The following FHIT variants were observed in gnomAD, a reference collection of about 807,000 sequenced individuals.
FHIT encodes fragile histidine triad diadenosine triphosphatase.
In FHIT, 19 loss-of-function variants were observed where a neutral mutation model predicts 17.9. The ratio of observed to expected loss-of-function variants is 1.06; its 90% confidence interval spans 0.74 to 1.56. FHIT has a LOEUF of 1.56. Ranked by LOEUF, FHIT falls within the 40% of genes most tolerant of loss-of-function variation. The pLI is 0.00. For missense variants in FHIT, 248 were observed against 189.2 expected, an observed-to-expected ratio of 1.31 and a Z score of -1.82; for synonymous variants, 81 against 69.7, an observed-to-expected ratio of 1.16 and a Z score of -0.81.
intron 2 of FHIT, among the ~76,000 whole-genome samples, chr3:61,164,944 T>C (rs1156236989): frequency 6.6e-6 from 1 of 152,216 alleles, no homozygotes; most frequent in Non-Finnish European, 1.5e-5. Flanking sequence ...TCCAGTTGCA[T>C]CCATGTTGCC....
At chr3:60,102,845 A>G (rs376523366) in intron 5 of FHIT, among the ~76,000 whole-genome samples, 4 of 152,326 alleles carry the variant, frequency 2.6e-5, no homozygotes, top group African/African-American at 9.6e-5. Flanking sequence ...ACACATCTAC[A>G]TATCAAACCA....
At chr3:60,025,141 A>G (rs1471449730) in intron 5 of FHIT, among the ~76,000 whole-genome samples, 1 of 152,184 alleles carries the variant, frequency 6.6e-6, no homozygotes, top group Non-Finnish European at 1.5e-5. Context: ...TGGGTGGGAC[A>G]GTGTCATGTA....
chr3:60,018,059 G>C (rs1199057306), intron 5 of FHIT, among the ~76,000 whole-genome samples: 1 of 152,200 alleles, frequency 6.6e-6, no homozygotes, highest in Admixed American at 6.5e-5. Flanking sequence ...GGTTTATCTG[G>C]CTCACAGTTC....
intron 3 of FHIT, among the ~76,000 whole-genome samples, chr3:60,977,103 G>T (rs532500762): frequency 6.6e-6 from 1 of 152,214 alleles, no homozygotes; most frequent in Admixed American, 6.5e-5. Context: ...GAGACCACAG[G>T]GTAGACCCAG....
chr3:60,587,657 C>G (rs576835506), intron 4 of FHIT, among the ~76,000 whole-genome samples: 1 of 152,010 alleles, frequency 6.6e-6, no homozygotes, highest in African/African-American at 2.4e-5. Context: ...TTAGAAGCCA[C>G]GCAGTTCCAC....
chr3:60,227,032 G>T (rs556470438), intron 5 of FHIT, among the ~76,000 whole-genome samples: 1 of 152,028 alleles, frequency 6.6e-6, no homozygotes, highest in South Asian at 2.1e-4. Context: ...AATCTACAAG[G>T]GCTCAGAGGT....
intron 8 of FHIT, among the ~76,000 whole-genome samples, chr3:59,848,326 A>G (rs1258185731): frequency 6.6e-6 from 1 of 152,098 alleles, no homozygotes; most frequent in African/African-American, 2.4e-5. Context: ...GATTCTGCCA[A>G]TGCAATTGTT....
intron 3 of FHIT, among the ~76,000 whole-genome samples, chr3:60,981,252 C>T (rs976281656): frequency 6.6e-6 from 1 of 151,254 alleles, no homozygotes; most frequent in African/African-American, 2.4e-5. Context: ...CCCAAGGCAA[C>T]ATCTCTGACC....
chr3:60,482,623 A>C (rs1437275509), intron 5 of FHIT, among the ~76,000 whole-genome samples: 1 of 152,196 alleles, frequency 6.6e-6, no homozygotes, highest in Admixed American at 6.5e-5. Context: ...AGTTCTTTGA[A>C]ACCAATGAGA....
chr3:60,248,076 C>A (rs1029345524), intron 5 of FHIT, among the ~76,000 whole-genome samples: 2 of 152,114 alleles, frequency 1.3e-5, no homozygotes, highest in African/African-American at 4.8e-5. Flanking sequence ...ATAACCATAT[C>A]TAAAAATTGT....
chr3:60,802,675 T>A (rs1701234523), intron 4 of FHIT, among the ~76,000 whole-genome samples: 1 of 152,152 alleles, frequency 6.6e-6, no homozygotes, highest in African/African-American at 2.4e-5. Flanking sequence ...AGGAAAGCTT[T>A]TAGGCCGAGT....
chr3:60,735,474 T>A lies in FHIT; in HGVS notation c.-18+86445A>T, dbSNP rs188349396. On this transcript the variant is annotated intron_variant, in intron 4 of 9. Transcript: ENST00000492590. ...TTCGAGTCAGTCCAGTACTACTCAA[T>A]GCTAAGATTTGAGAACTACTGAAGG... 3.9e-5 allele frequency among the ~76,000 whole-genome samples: 6 copies of A among 152,296 alleles called. No individual in the cohort carries two copies. The East Asian group carries it at 1.2e-3, about 29-fold the overall frequency.
chr3:61,106,012 A>G (rs919517794), intron 2 of FHIT, among the ~76,000 whole-genome samples: 1 of 152,178 alleles, frequency 6.6e-6, no homozygotes, highest in Admixed American at 6.5e-5. Flanking sequence ...TCCTGTATAG[A>G]GAGGTCTTAA....
At chr3:61,017,099 C>T (rs2032155943) in intron 3 of FHIT, among the ~76,000 whole-genome samples, 1 of 152,122 alleles carries the variant, frequency 6.6e-6, no homozygotes, top group East Asian at 1.9e-4. Flanking sequence ...CCAGCCTGGC[C>T]AAAATGGTGA....
chr3:61,037,835 C>A (rs1191843618), intron 3 of FHIT, among the ~76,000 whole-genome samples: 1 of 152,174 alleles, frequency 6.6e-6, no homozygotes, highest in Non-Finnish European at 1.5e-5. Context: ...GACCATGAGA[C>A]AAATACATTT....
chr3:60,559,315 C>T (rs1233490403), intron 4 of FHIT, among the ~76,000 whole-genome samples: 2 of 152,112 alleles, frequency 1.3e-5, no homozygotes, highest in Non-Finnish European at 2.9e-5. Context: ...AAAACATTAA[C>T]CCATTTTGAG....
At chr3:59,978,033 A>T (rs1708490189) in intron 7 of FHIT, among the ~76,000 whole-genome samples, 1 of 152,180 alleles carries the variant, frequency 6.6e-6, no homozygotes, top group African/African-American at 2.4e-5. Flanking sequence ...ACTATGTGCC[A>T]AACACTATGC....
chr3:60,377,514 G>T (rs563765804), intron 5 of FHIT, among the ~76,000 whole-genome samples: 1 of 111,954 alleles, frequency 8.9e-6, no homozygotes, highest in South Asian at 2.9e-4. Flanking sequence ...TCGCTCTGTC[G>T]CCCAGGCCGG....
At chr3:61,065,717 T>C (rs1034524144) in intron 2 of FHIT, among the ~76,000 whole-genome samples, 1 of 151,836 alleles carries the variant, frequency 6.6e-6, no homozygotes, top group African/African-American at 2.4e-5. Flanking sequence ...AAAGGTTAAG[T>C]TGAATGTGAA....
Sources: allele counts gnomAD v4.1 joint callset (sites outside exome capture counted in the v4.1 genomes callset), GRCh38; gene constraint gnomAD v4.1.1; transcripts MANE v1.5; gene names NCBI Gene and HGNC (gene_info 2026-07-23, HGNC 2026-07-21).